KIAA1958: variants seen among roughly 807,000 people sequenced by gnomAD.
KIAA1958 encodes KIAA1958, also known as uncharacterized protein KIAA1958.
In KIAA1958, 14 loss-of-function variants were observed where a neutral mutation model predicts 47.2. The ratio of observed to expected loss-of-function variants is 0.30; its 90% CI spans 0.20 to 0.46. KIAA1958 has a LOEUF of 0.46. Ranked by LOEUF, KIAA1958 falls within the 20% of genes least tolerant of loss-of-function variation. The pLI, the probability that KIAA1958 is intolerant of heterozygous loss-of-function variation, is 1.00. For missense variants in KIAA1958, 803 were observed against 909.2 expected (o/e 0.88, Z 1.50); for synonymous variants, 354 against 353.3 (o/e 1.00, Z -0.02).
chr9:112,502,280 T>C (rs966159123), intron 1 of KIAA1958, among the ~76,000 whole-genome samples: 1 of 152,252 alleles, frequency 6.6e-6, no homozygotes, highest in Non-Finnish European at 1.5e-5. Flanking sequence ...AAACAAGACA[T>C]TATTTATTCC....
intron 3 of KIAA1958, among the ~76,000 whole-genome samples, chr9:112,656,664 T>G (rs1469957061): frequency 6.6e-6 from 1 of 152,218 alleles, no homozygotes; most frequent in Non-Finnish European, 1.5e-5. Context: ...TTTTCTATGC[T>G]CTGAAACTAT....
chr9:112,608,895 G>A (rs2131207540), intron 2 of KIAA1958, among the ~76,000 whole-genome samples: 3 of 152,174 alleles, frequency 2.0e-5, no homozygotes, highest in Middle Eastern at 6.8e-3. Flanking sequence ...AGAAGAGAGA[G>A]AATTTATGAT....
At chr9:112,623,607 TTGAGA>T (rs1440534259) in intron 2 of KIAA1958, among the ~76,000 whole-genome samples, 3 of 152,182 alleles carry the variant, frequency 2.0e-5, no homozygotes, top group Non-Finnish European at 4.4e-5. Context: ...CTGTAGTATT[TTGAGA>T]TGAGATATTA....
chr9:112,631,618 AAGT>A (rs1202000164), intron 2 of KIAA1958, among the ~76,000 whole-genome samples: 1 of 152,044 alleles, frequency 6.6e-6, no homozygotes. Context: ...CTAAGGCAGT[AAGT>A]AGACATTTAT....
chr9:112,524,476 CAT>C (rs1834607105), intron 1 of KIAA1958, among the ~76,000 whole-genome samples: 1 of 152,208 alleles, frequency 6.6e-6, no homozygotes, highest in Non-Finnish European at 1.5e-5. Context: ...ATACATATAA[CAT>C]AAAATTTACT....
chr9:112,629,617 G>A (rs1836675465), intron 2 of KIAA1958, among the ~76,000 whole-genome samples: 1 of 152,116 alleles, frequency 6.6e-6, no homozygotes, highest in Non-Finnish European at 1.5e-5. Flanking sequence ...TTTACACTAA[G>A]ATGTTCTCAT....
rs558956320 is a variant in KIAA1958 at position 112,642,752 on chromosome 9, A to C, written c.1172-2898A>C. Among the ~76,000 whole-genome samples, 24 of 152,326 alleles carry C rather than the reference A, an allele frequency of 1.6e-4. No homozygotes were observed. In the South Asian group the frequency reaches 2.7e-3, roughly 17 times the overall value. ...TGTTTCTTCACCAATATAGTCTTTTAAAAATATCCTCAGCAGCATAACACA... is the reference window on the plus strand; with the variant it reads ...TGTTTCTTCACCAATATAGTCTTTTCAAAATATCCTCAGCAGCATAACACA... On this transcript the variant is annotated intron_variant, in intron 2 of 3. Transcript: ENST00000337530.
chr9:112,561,440 G>A (rs1012000023), intron 1 of KIAA1958, among the ~76,000 whole-genome samples: 5 of 152,148 alleles, frequency 3.3e-5, no homozygotes, highest in Non-Finnish European at 7.3e-5. Context: ...GCCACCATGA[G>A]TTCCATGTGA....
intron 1 of KIAA1958, among the ~76,000 whole-genome samples, chr9:112,571,489 T>C (rs1181889353): frequency 6.6e-6 from 1 of 152,210 alleles, no homozygotes; most frequent in East Asian, 1.9e-4. Context: ...TGGCCATGAC[T>C]GTGTCATAGG....
intron 1 of KIAA1958, among the ~76,000 whole-genome samples, chr9:112,539,779 G>A (rs565553164): frequency 3.3e-5 from 5 of 151,958 alleles, no homozygotes; most frequent in Non-Finnish European, 5.9e-5. Context: ...TAACCTCTGC[G>A]TCCAGGGTTC....
chr9:112,595,251 A>ACG (rs1836000119), intron 2 of KIAA1958, among the ~76,000 whole-genome samples: 1 of 152,254 alleles, frequency 6.6e-6, no homozygotes, highest in East Asian at 1.9e-4. Context: ...TGACGAAGCT[A>ACG]TAGCACTGAG....
At chr9:112,590,510 C>T (rs1835903620) in intron 2 of KIAA1958, among the ~76,000 whole-genome samples, 1 of 152,120 alleles carries the variant, frequency 6.6e-6, no homozygotes, top group African/African-American at 2.4e-5. Context: ...TGCCACGACA[C>T]CCAGCTAATT....
chr9:112,655,657 C>T (rs1476744749), intron 3 of KIAA1958, among the ~76,000 whole-genome samples: 1 of 152,182 alleles, frequency 6.6e-6, no homozygotes, highest in African/African-American at 2.4e-5. Context: ...TTAAAGAAAC[C>T]ATTTTCAACT....
chr9:112,593,364 G>A (rs1382322624), intron 2 of KIAA1958, among the ~76,000 whole-genome samples: 3 of 152,140 alleles, frequency 2.0e-5, no homozygotes, highest in South Asian at 2.1e-4. Context: ...AAAAGGCCAC[G>A]GAGGGGGTCA....
intron 3 of KIAA1958, among the ~76,000 whole-genome samples, chr9:112,655,405 T>C (rs145256200): frequency 1.3e-5 from 2 of 152,212 alleles, no homozygotes; most frequent in African/African-American, 4.8e-5. Context: ...CAAAAACTTA[T>C]GGCACTCCTC....
At chr9:112,527,764 C>G (rs979018782) in intron 1 of KIAA1958, among the ~76,000 whole-genome samples, 2 of 151,702 alleles carry the variant, frequency 1.3e-5, no homozygotes, top group African/African-American at 4.8e-5. Context: ...TGGTGAAACC[C>G]CATCTCTACA....
At chr9:112,510,304 T>C (rs1178107848) in intron 1 of KIAA1958, among the ~76,000 whole-genome samples, 1 of 152,186 alleles carries the variant, frequency 6.6e-6, no homozygotes, top group Non-Finnish European at 1.5e-5. Flanking sequence ...GAGCATGAAC[T>C]GCTTCCCCAC....
chr9:112,564,741 C>A (rs1213874492), intron 1 of KIAA1958, among the ~76,000 whole-genome samples: 1 of 152,132 alleles, frequency 6.6e-6, no homozygotes. Context: ...CAACTTAAAT[C>A]TATCAAACCA....
chr9:112,640,940 T>A (rs969922388), intron 2 of KIAA1958, among the ~76,000 whole-genome samples: 2 of 152,204 alleles, frequency 1.3e-5, no homozygotes, highest in African/African-American at 4.8e-5. Flanking sequence ...GGTGTTGGAT[T>A]TTTGGTTCAA....
Sources: allele counts gnomAD v4.1 joint callset (sites outside exome capture counted in the v4.1 genomes callset), GRCh38; gene constraint gnomAD v4.1.1; transcripts MANE v1.5; gene names NCBI Gene and HGNC (gene_info 2026-07-23, HGNC 2026-07-21).